Variants in PTPRM observed in about 807,000 individuals in gnomAD.
PTPRM encodes receptor-type tyrosine-protein phosphatase mu.
A neutral mutation model predicts 186.7 loss-of-function variants in PTPRM; 47 were observed. The observed-to-expected ratio is 0.25, with a 90% CI of 0.20 to 0.32. The LOEUF is 0.32. Among genes scored for constraint, PTPRM ranks in the 10% least tolerant of loss-of-function variants. The probability of loss-of-function intolerance (pLI) is 1.00; values close to 1 mark genes in which losing one functional copy is unlikely to be tolerated. For missense variants in PTPRM, 1,494 were observed against 1,865.0 expected (o/e 0.80, Z 3.66); for synonymous variants, 668 against 674.9 (o/e 0.99, Z 0.16).
intron 19 of PTPRM, among the ~76,000 whole-genome samples, chr18:8,291,434 C>T (rs1300335346): frequency 6.6e-6 from 1 of 152,148 alleles, no homozygotes; most frequent in Non-Finnish European, 1.5e-5. Flanking sequence ...GGATTCAAAA[C>T]CTGATTAGCT....
intron 31 of PTPRM, among the ~76,000 whole-genome samples, chr18:8,391,681 T>C (rs74878306): frequency 0.039 from 5,914 of 152,288 alleles, 161 homozygotes; most frequent in East Asian, 0.094. Context: ...GGTGTATGCA[T>C]TGGTAAAAAT....
chr18:7,747,011 A>C (rs1375356628), intron 1 of PTPRM, among the ~76,000 whole-genome samples: 1 of 152,114 alleles, frequency 6.6e-6, no homozygotes, highest in Admixed American at 6.5e-5. Context: ...ACTCTCAGTG[A>C]AAGCTTTTTC....
intron 1 of PTPRM, among the ~76,000 whole-genome samples, chr18:7,706,278 T>G (rs2040086832): frequency 6.6e-6 from 1 of 151,702 alleles, no homozygotes; most frequent in Non-Finnish European, 1.5e-5. Context: ...AATTCCTTAT[T>G]GAGATTTTAC....
At chr18:7,623,773 CACTTT>C (rs935554586) in intron 1 of PTPRM, among the ~76,000 whole-genome samples, 1 of 152,058 alleles carries the variant, frequency 6.6e-6, no homozygotes, top group East Asian at 1.9e-4. Flanking sequence ...AGGTGTTTGA[CACTTT>C]ACTTACCCCC....
chr18:8,068,935 T>C lies in PTPRM; in HGVS notation c.1133-751T>C, dbSNP rs551204134. Among the ~76,000 whole-genome samples the C allele has an allele frequency of 8.6e-5, 13 of 151,794 alleles. No homozygotes were observed. In the East Asian group the frequency reaches 2.1e-3, roughly 25 times the overall value. On this transcript the variant is annotated intron_variant, in intron 7 of 32. Coordinates refer to ENST00000580170, the MANE Select transcript of PTPRM (RefSeq NM_001105244.2). Reference sequence around the variant, plus strand: ...TAACATGGTGAAACCCTGTCTCGACTAGAAATACACACACACACAAAAAAA... The same window carrying C: ...TAACATGGTGAAACCCTGTCTCGACCAGAAATACACACACACACAAAAAAA...
chr18:8,042,804 C>A (rs1177750996), intron 7 of PTPRM, among the ~76,000 whole-genome samples: 1 of 152,198 alleles, frequency 6.6e-6, no homozygotes, highest in Non-Finnish European at 1.5e-5. Context: ...CCTTTTCCCA[C>A]CTTCCTGCTG....
At chr18:8,008,937 A>C (rs1430134227) in intron 7 of PTPRM, among the ~76,000 whole-genome samples, 3 of 152,214 alleles carry the variant, frequency 2.0e-5, no homozygotes, top group Non-Finnish European at 2.9e-5. Context: ...TAACACTGTA[A>C]GGAGGCTTAA....
At chr18:7,640,230 G>T (rs1455100287) in intron 1 of PTPRM, among the ~76,000 whole-genome samples, 1 of 152,072 alleles carries the variant, frequency 6.6e-6, no homozygotes, top group Non-Finnish European at 1.5e-5. Flanking sequence ...TTTCAGTACA[G>T]GTAGGCAGAA....
chr18:7,993,774 A>G (rs1014148653), intron 7 of PTPRM, among the ~76,000 whole-genome samples: 2 of 152,182 alleles, frequency 1.3e-5, no homozygotes, highest in South Asian at 4.1e-4. Flanking sequence ...TCACCGTGAA[A>G]ACACACTAAA....
At chr18:7,605,782 T>A (rs1321766957) in intron 1 of PTPRM, among the ~76,000 whole-genome samples, 1 of 152,180 alleles carries the variant, frequency 6.6e-6, no homozygotes, top group African/African-American at 2.4e-5. Context: ...GGGAGAGGTC[T>A]GCCGTGTTGT....
At chr18:7,665,364 TG>T (rs559311068) in intron 1 of PTPRM, among the ~76,000 whole-genome samples, 71 of 152,278 alleles carry the variant, frequency 4.7e-4, no homozygotes, top group African/African-American at 1.7e-3. Context: ...GTACAGTCTA[TG>T]GTTTTTAGTT....
At chr18:7,705,325 A>ATCTATCTATCTATCTG (rs1555655181) in intron 1 of PTPRM, among the ~76,000 whole-genome samples, 1 of 140,140 alleles carries the variant, frequency 7.1e-6, no homozygotes, top group Non-Finnish European at 1.6e-5. Context: ...CTATCTATCT[A>ATCTATCTATCTATCTG]TCTGTCTATC....
chr18:8,331,438 C>G (rs530385014), intron 22 of PTPRM, among the ~76,000 whole-genome samples: 1 of 152,180 alleles, frequency 6.6e-6, no homozygotes, highest in Admixed American at 6.5e-5. Flanking sequence ...CCAGGACTGT[C>G]CGCTCCCCAC....
At chr18:8,146,398 C>A (rs1453531833) in intron 14 of PTPRM, among the ~76,000 whole-genome samples, 1 of 152,034 alleles carries the variant, frequency 6.6e-6, no homozygotes, top group Admixed American at 6.5e-5. Context: ...ATTTCTCTAA[C>A]GACCGGTGAT....
chr18:7,747,272 A>T (rs1031752511), intron 1 of PTPRM, among the ~76,000 whole-genome samples: 1 of 152,220 alleles, frequency 6.6e-6, no homozygotes, highest in Admixed American at 6.5e-5. Context: ...AGTAGGAATC[A>T]GGTGCACTCT....
At chr18:7,645,818 A>G (rs1483559848) in intron 1 of PTPRM, among the ~76,000 whole-genome samples, 1 of 152,246 alleles carries the variant, frequency 6.6e-6, no homozygotes, top group Non-Finnish European at 1.5e-5. Context: ...AGAGGGTGCC[A>G]TCTCCTCAGG....
intron 7 of PTPRM, among the ~76,000 whole-genome samples, chr18:7,966,260 G>A (rs2054043249): frequency 6.6e-6 from 1 of 152,154 alleles, no homozygotes; most frequent in African/African-American, 2.4e-5. Context: ...AGATAATAGA[G>A]CTGTTTGATA....
At chr18:8,129,444 C>G (rs1230678839) in intron 13 of PTPRM, among the ~76,000 whole-genome samples, 1 of 152,046 alleles carries the variant, frequency 6.6e-6, no homozygotes, top group Non-Finnish European at 1.5e-5. Context: ...TGATTTTCAT[C>G]CATTTATTTA....
chr18:8,324,998 C>T (rs2095367063), intron 22 of PTPRM, among the ~76,000 whole-genome samples: 2 of 152,184 alleles, frequency 1.3e-5, no homozygotes, highest in Admixed American at 1.3e-4. Flanking sequence ...AGCACAGAAT[C>T]GCTTAATCAT....
Sources: allele counts gnomAD v4.1 joint callset (sites outside exome capture counted in the v4.1 genomes callset), GRCh38; gene constraint gnomAD v4.1.1; transcripts MANE v1.5; gene names NCBI Gene and HGNC (gene_info 2026-07-23, HGNC 2026-07-21).